The following SPAG16 variants were observed in gnomAD, a reference collection of about 807,000 sequenced individuals.
SPAG16 encodes the protein sperm-associated antigen 16 protein.
In SPAG16, 86 loss-of-function variants were observed where a neutral mutation model predicts 80.4. The ratio of observed to expected loss-of-function variants is 1.07; its 90% confidence interval spans 0.90 to 1.28. The LOEUF (loss-of-function observed/expected upper bound fraction) is 1.28, where lower values mean the gene tolerates loss of function less well. Among genes scored for constraint, SPAG16 ranks in the 50% most tolerant of loss-of-function variants. The pLI, the probability that SPAG16 is intolerant of heterozygous loss-of-function variation, is 0.00. For synonymous variants in SPAG16, 294 were observed against 265.9 expected (o/e 1.11, Z -1.03); for missense variants, 870 against 765.3 (o/e 1.14, Z -1.61).
intron 12 of SPAG16, among the ~76,000 whole-genome samples, chr2:213,957,727 T>G (rs992313810): frequency 6.6e-6 from 1 of 152,232 alleles, no homozygotes; most frequent in African/African-American, 2.4e-5. Flanking sequence ...AGTGAAATGT[T>G]TCAATTACTT....
At chr2:213,502,090 A>C (rs569095937) in intron 10 of SPAG16, among the ~76,000 whole-genome samples, 93 of 152,244 alleles carry the variant, frequency 6.1e-4, no homozygotes, top group African/African-American at 2.1e-3. Context: ...AGTAAGTAAA[A>C]CCTTTAAAAA....
intron 10 of SPAG16, among the ~76,000 whole-genome samples, chr2:213,776,631 A>C (rs1419947874): frequency 6.6e-6 from 1 of 152,048 alleles, no homozygotes; most frequent in Non-Finnish European, 1.5e-5. Flanking sequence ...AAATTTTAAA[A>C]AGTTTTTTTT....
intron 12 of SPAG16, among the ~76,000 whole-genome samples, chr2:214,011,120 A>G (rs935858303): frequency 2.7e-5 from 4 of 145,472 alleles, no homozygotes; most frequent in African/African-American, 1.1e-4. Flanking sequence ...TAGGAATAAA[A>G]TTCTTAATTT....
intron 12 of SPAG16, among the ~76,000 whole-genome samples, chr2:213,970,676 T>A (rs897087806): frequency 2.6e-5 from 4 of 152,202 alleles, no homozygotes; most frequent in Non-Finnish European, 5.9e-5. Context: ...CATACCTTTT[T>A]AGATGAAAGT....
intron 14 of SPAG16, among the ~76,000 whole-genome samples, chr2:214,127,452 A>G (rs11898414): frequency 0.16 from 24,887 of 151,680 alleles, 2,154 homozygotes; most frequent in African/African-American, 0.18. Flanking sequence ...GAAAGAGCAG[A>G]GTGGGAGTGA....
chr2:213,500,426 C>T (rs2125772726), intron 10 of SPAG16, among the ~76,000 whole-genome samples: 1 of 152,258 alleles, frequency 6.6e-6, no homozygotes, highest in South Asian at 2.1e-4. Context: ...GGTCATATCG[C>T]TAAAACTTGC....
chr2:213,981,787 A>T (rs1163966855), intron 12 of SPAG16, among the ~76,000 whole-genome samples: 1 of 151,982 alleles, frequency 6.6e-6, no homozygotes, highest in Non-Finnish European at 1.5e-5. Flanking sequence ...TATTCTCATC[A>T]TTCCCCTTCT....
At chr2:214,316,677 G>A (rs538006922) in intron 15 of SPAG16, among the ~76,000 whole-genome samples, 1 of 151,942 alleles carries the variant, frequency 6.6e-6, no homozygotes, top group Non-Finnish European at 1.5e-5. Flanking sequence ...CAAATTTGTA[G>A]ATCCTCAATC....
At chr2:213,395,672 G>A (rs951693617) in intron 9 of SPAG16, among the ~76,000 whole-genome samples, 4 of 152,012 alleles carry the variant, frequency 2.6e-5, no homozygotes, top group Non-Finnish European at 5.9e-5. Flanking sequence ...CTCCAGTCCT[G>A]GAATCTCTGA....
chr2:213,963,713 T>C (rs746225151), intron 12 of SPAG16, among the ~76,000 whole-genome samples: 1 of 152,170 alleles, frequency 6.6e-6, no homozygotes. Flanking sequence ...GTTTATTTTA[T>C]GTACCTATTA....
intron 15 of SPAG16, among the ~76,000 whole-genome samples, chr2:214,229,273 A>G (rs958343995): frequency 6.6e-6 from 1 of 151,866 alleles, no homozygotes; most frequent in Non-Finnish European, 1.5e-5. Flanking sequence ...AAGAGGAGGC[A>G]GGTGGTTCCT....
rs2059780193 is a variant in SPAG16, at chr2:213,566,690, A to G, written c.1070+76600A>G. Among the ~76,000 whole-genome samples, 5 of 152,208 alleles carry G rather than the reference A, an allele frequency of 3.3e-5. No individual in the cohort carries two copies. The South Asian group carries it at 1.0e-3, about 32-fold the overall frequency. ...TTAATTATTTTTGCAACATCTGCAT[A>G]ACAATCTAATTCAAAGCCAAATTAA... On this transcript the variant is annotated intron_variant, in intron 10 of 15. Coordinates refer to ENST00000331683, the MANE Select transcript of SPAG16 (RefSeq NM_024532.5).
intron 15 of SPAG16, among the ~76,000 whole-genome samples, chr2:214,367,327 T>C (rs1699538666): frequency 6.6e-6 from 1 of 152,194 alleles, no homozygotes; most frequent in African/African-American, 2.4e-5. Context: ...CGATTCATAG[T>C]TAGCTGCACT....
intron 6 of SPAG16, among the ~76,000 whole-genome samples, chr2:213,343,474 C>T (rs368275145): frequency 1.3e-4 from 19 of 151,890 alleles, no homozygotes; most frequent in East Asian, 9.7e-4. Flanking sequence ...AAAGTTTATA[C>T]GTATTGATTT....
intron 10 of SPAG16, among the ~76,000 whole-genome samples, chr2:213,768,964 C>T (rs1391486738): frequency 1.1e-4 from 17 of 151,926 alleles, no homozygotes; most frequent in Non-Finnish European, 1.3e-4. Context: ...AGAGGGAAAC[C>T]AGAAAAGTAG....
intron 9 of SPAG16, among the ~76,000 whole-genome samples, chr2:213,424,920 T>C (rs2069816440): frequency 6.6e-6 from 1 of 152,122 alleles, no homozygotes; most frequent in African/African-American, 2.4e-5. Context: ...GACCTTATAG[T>C]TTGGAGAGCC....
At chr2:213,385,707 G>A (rs964668761) in intron 9 of SPAG16, among the ~76,000 whole-genome samples, 1 of 151,966 alleles carries the variant, frequency 6.6e-6, no homozygotes, top group Middle Eastern at 3.4e-3. Flanking sequence ...GGAGAAGCAG[G>A]CCATTTTTGC....
At chr2:213,876,756 A>C (rs1575431962) in intron 11 of SPAG16, among the ~76,000 whole-genome samples, 1 of 152,036 alleles carries the variant, frequency 6.6e-6, no homozygotes. Flanking sequence ...GTTTCTTGTT[A>C]TAACTCCACA....
At chr2:214,179,577 G>T (rs1386014843) in intron 15 of SPAG16, among the ~76,000 whole-genome samples, 4 of 151,176 alleles carry the variant, frequency 2.6e-5, no homozygotes, top group Non-Finnish European at 4.4e-5. Flanking sequence ...TTCTAAACTG[G>T]GTTGCTTTTT....
Sources: allele counts gnomAD v4.1 joint callset (sites outside exome capture counted in the v4.1 genomes callset), GRCh38; gene constraint gnomAD v4.1.1; transcripts MANE v1.5; gene names NCBI Gene and HGNC (gene_info 2026-07-23, HGNC 2026-07-21).